KLF12: variants seen among roughly 807,000 people sequenced by gnomAD.
KLF12 encodes Krueppel-like factor 12.
Under a neutral mutation model 37.8 loss-of-function variants are expected in KLF12, and 9 were observed. That is an observed-to-expected ratio of 0.24 (90% confidence interval 0.14 to 0.42). The LOEUF (loss-of-function observed/expected upper bound fraction) is 0.42. Ranked by LOEUF, KLF12 falls within the 10% of genes least tolerant of loss-of-function variation. KLF12 has a pLI of 1.00. For missense variants in KLF12, 411 were observed against 516.0 expected (o/e 0.80, Z 1.97); for synonymous variants, 208 against 202.1 (o/e 1.03, Z -0.25).
At chr13:74,001,865 A>G (rs780190946) in intron 1 of KLF12, among the ~76,000 whole-genome samples, 1 of 152,240 alleles carries the variant, frequency 6.6e-6, no homozygotes, top group Non-Finnish European at 1.5e-5. Context: ...TGAAATTTGC[A>G]TTCTCAAAAT....
At chr13:74,031,037 G>C (rs1893098890) in intron 1 of KLF12, among the ~76,000 whole-genome samples, 1 of 152,092 alleles carries the variant, frequency 6.6e-6, no homozygotes, top group Non-Finnish European at 1.5e-5. Flanking sequence ...ACAAGGCACT[G>C]TGCTATATCT....
the KLF12 span, among the ~76,000 whole-genome samples, chr13:74,238,597 G>A: frequency 1.4e-4 from 20 of 139,682 alleles, no homozygotes; most frequent in Non-Finnish European, 2.7e-4. Context: ...GTAAGCTATC[G>A]ATTATTGCCA....
chr13:73,850,861 A>G (rs962916070), intron 3 of KLF12, among the ~76,000 whole-genome samples: 3 of 152,242 alleles, frequency 2.0e-5, no homozygotes, highest in Non-Finnish European at 4.4e-5. Flanking sequence ...ATTATAAAGT[A>G]ACTTGCCTAA....
intron 2 of KLF12, chr13:73,960,456 A>G: frequency 4.5e-6 from 1 of 221,160 alleles, no homozygotes; most frequent in Non-Finnish European, 9.9e-6. Context: ...TCAAAATGTG[A>G]GGCAAAAAAA....
chr13:74,148,200 C>T, the KLF12 span, among the ~76,000 whole-genome samples: 1 of 152,070 alleles, frequency 6.6e-6, no homozygotes, highest in Non-Finnish European at 1.5e-5. Context: ...CAGGTGTGAG[C>T]CACCACCCCC....
intron 3 of KLF12, among the ~76,000 whole-genome samples, chr13:73,882,505 T>C (rs1887026360): frequency 6.6e-6 from 1 of 152,180 alleles, no homozygotes; most frequent in Admixed American, 6.5e-5. Context: ...TGAATAAACA[T>C]GTAAAGAGTT....
chr13:73,693,153 A>G lies in KLF12; in HGVS notation c.*2337T>C, dbSNP rs1402174149. The G allele has an allele frequency of 6.6e-6, 1 of 152,172 alleles. No individual in the cohort carries two copies. The highest frequency in any genetic ancestry group is 1.5e-5 in the Non-Finnish European group (1 of 68,034). The allele number at this position is 152,172 out of a possible 1,614,324, so 9.4% of individuals were successfully genotyped here. A position where few individuals can be genotyped will look rare whatever the true frequency, so the allele number is the denominator to read the frequency against. ...TGAGAGATGCACCCACTACTTGCCA[A>G]CTAGGTGCTGGTACTAGTGCCAGGG... On this transcript the variant is annotated 3_prime_UTR_variant, in exon 8 of 8. Coordinates refer to ENST00000377669, the MANE Select transcript of KLF12 (RefSeq NM_007249.5).
At chr13:74,208,825 A>G in the KLF12 span, among the ~76,000 whole-genome samples, 2 of 152,048 alleles carry the variant, frequency 1.3e-5, no homozygotes, top group African/African-American at 4.8e-5. Context: ...TTTTTCTTTA[A>G]AAAAGAAACA....
intron 5 of KLF12, among the ~76,000 whole-genome samples, chr13:73,780,930 T>C (rs1253358107): frequency 6.6e-6 from 1 of 152,368 alleles, no homozygotes; most frequent in African/African-American, 2.4e-5. Context: ...AGAAGTTCTA[T>C]AGTGGGTAAA....
intron 1 of KLF12, among the ~76,000 whole-genome samples, chr13:74,043,355 G>A (rs867625278): frequency 1.3e-5 from 2 of 152,296 alleles, no homozygotes; most frequent in Non-Finnish European, 2.9e-5. Flanking sequence ...TTGATCTAAG[G>A]CCATTCTGTG....
the KLF12 span, among the ~76,000 whole-genome samples, chr13:74,287,105 T>C: frequency 6.6e-6 from 1 of 152,208 alleles, no homozygotes; most frequent in Non-Finnish European, 1.5e-5. Context: ...TGACACCTGC[T>C]GGGCAGACCT....
chr13:74,255,391 C>A, the KLF12 span, among the ~76,000 whole-genome samples: 1 of 152,164 alleles, frequency 6.6e-6, no homozygotes, highest in Non-Finnish European at 1.5e-5. Flanking sequence ...GATGTATACT[C>A]ATTTGCTGAG....
chr13:73,974,675 A>T (rs2138133412), intron 2 of KLF12, among the ~76,000 whole-genome samples: 1 of 152,322 alleles, frequency 6.6e-6, no homozygotes, highest in South Asian at 2.1e-4. Context: ...TTACTTTATT[A>T]AGTCAATTGG....
chr13:74,152,885 GATAATAATAATAATA>G, the KLF12 span, among the ~76,000 whole-genome samples: 1,462 of 138,980 alleles, frequency 0.011, 17 homozygotes, highest in Non-Finnish European at 0.016. Context: ...CCCCATTACA[GATAATAATAATAATA>G]ATAATAATAA....
intron 1 of KLF12, among the ~76,000 whole-genome samples, chr13:74,098,107 C>A (rs184446417): frequency 3.3e-5 from 5 of 152,244 alleles, no homozygotes; most frequent in Admixed American, 1.3e-4. Flanking sequence ...AACCTTCTCA[C>A]AAAATCCCAG....
chr13:74,044,787 G>A (rs1337182948), intron 1 of KLF12, among the ~76,000 whole-genome samples: 3 of 151,524 alleles, frequency 2.0e-5, no homozygotes, highest in Non-Finnish European at 2.9e-5. Context: ...AGAGGTTGCG[G>A]TAAGCCAAGA....
intron 4 of KLF12, among the ~76,000 whole-genome samples, chr13:73,817,383 C>T (rs561376490): frequency 2.0e-5 from 3 of 150,200 alleles, no homozygotes; most frequent in Non-Finnish European, 3.0e-5. Flanking sequence ...ACAAGACTTG[C>T]TATTTTATTC....
At chr13:74,243,821 C>G in the KLF12 span, among the ~76,000 whole-genome samples, 1 of 152,054 alleles carries the variant, frequency 6.6e-6, no homozygotes, top group East Asian at 1.9e-4. Flanking sequence ...GGAATAGGGT[C>G]CATACTAAGA....
rs370702057 is a variant in KLF12 at position 73,765,012 on chromosome 13, G to T, written c.807-12C>A. On this transcript the variant is annotated splice_polypyrimidine_tract_variant and intron_variant, in intron 5 of 7. Coordinates refer to ENST00000377669, the MANE Select transcript of KLF12 (RefSeq NM_007249.5). ...GGGACGGATGTACCCTGTAGACAGA[G>T]AAGAATAATCCAGTCATTGAAAAAG... The T allele has an allele frequency of 1.5e-5, 22 of 1,489,632 alleles. No homozygotes were observed. In the African/African-American group the frequency reaches 2.8e-4, roughly 19 times the overall value. The allele number at this position is 1,489,632 out of a possible 1,614,324, so 92.3% of individuals were successfully genotyped here.
Sources: gnomAD v4.1 joint callset for allele counts (sites outside exome capture counted in the v4.1 genomes callset) on GRCh38, gnomAD v4.1.1 for gene constraint, MANE v1.5 for transcripts, NCBI Gene and HGNC (gene_info 2026-07-23, HGNC 2026-07-21) for gene names.